The following CCSER1 variants were observed in gnomAD, a reference collection of about 807,000 sequenced individuals.
CCSER1 encodes serine-rich coiled-coil domain-containing protein 1.
Under a neutral mutation model 82.0 loss-of-function variants are expected in CCSER1, and 41 were observed. That is an observed-to-expected ratio of 0.50 (90% confidence interval 0.39 to 0.65). CCSER1 has a LOEUF of 0.65. Ranked by LOEUF, CCSER1 falls within the 30% of genes least tolerant of loss-of-function variation. The probability of loss-of-function intolerance (pLI) is 0.00; values close to 1 mark genes in which losing one functional copy is unlikely to be tolerated. For missense variants in CCSER1, 1,119 were observed against 1,064.2 expected (o/e 1.05, Z -0.72); for synonymous variants, 414 against 383.9 (o/e 1.08, Z -0.92).
chr4:91,166,524 T>C lies in CCSER1; in HGVS notation c.2217+80530T>C, dbSNP rs1283151909. On this transcript the variant is annotated intron_variant, in intron 10 of 10. Transcript: ENST00000509176. ...ATAATGACACCGTCTAAGCATCTAC[T>C]TTTTAAAATGTTGTTTAAGATGAGG... Among the ~76,000 whole-genome samples the C allele has an allele frequency of 2.0e-5, 3 of 152,234 alleles. No individual in the cohort carries two copies. The East Asian group carries it at 5.8e-4, about 29-fold the overall frequency.
intron 9 of CCSER1, among the ~76,000 whole-genome samples, chr4:91,084,838 A>G (rs945934581): frequency 2.0e-5 from 3 of 152,102 alleles, no homozygotes; most frequent in Admixed American, 6.6e-5. Flanking sequence ...ATGTATGTTC[A>G]TGTGTTTTTA....
chr4:91,167,249 C>T (rs144785841), intron 10 of CCSER1, among the ~76,000 whole-genome samples: 1,759 of 145,000 alleles, frequency 0.012, 32 homozygotes, highest in African/African-American at 0.042. Flanking sequence ...TGCATTGGCG[C>T]GATCTCGGCT....
chr4:91,161,116 C>T (rs1731348206), intron 10 of CCSER1, among the ~76,000 whole-genome samples: 1 of 152,178 alleles, frequency 6.6e-6, no homozygotes. Flanking sequence ...CAGCTTTCCA[C>T]ATATGGCTAA....
chr4:91,383,789 G>C (rs1004936678), intron 10 of CCSER1, among the ~76,000 whole-genome samples: 1 of 152,114 alleles, frequency 6.6e-6, no homozygotes, highest in East Asian at 1.9e-4. Flanking sequence ...AATATAGCCT[G>C]AATATTTATT....
chr4:90,917,117 G>A (rs1347705671), intron 8 of CCSER1, among the ~76,000 whole-genome samples: 1 of 152,090 alleles, frequency 6.6e-6, no homozygotes, highest in African/African-American at 2.4e-5. Flanking sequence ...CAATTCCTCA[G>A]GGATCTAGAA....
At chr4:91,035,440 T>C (rs902306507) in intron 9 of CCSER1, among the ~76,000 whole-genome samples, 2 of 152,152 alleles carry the variant, frequency 1.3e-5, no homozygotes, top group Non-Finnish European at 2.9e-5. Context: ...CACAGTGTAG[T>C]TGAATATTTT....
chr4:91,441,678 A>G (rs1167002064), intron 10 of CCSER1, among the ~76,000 whole-genome samples: 2 of 152,172 alleles, frequency 1.3e-5, no homozygotes, highest in East Asian at 3.8e-4. Flanking sequence ...AGGAAGTCAA[A>G]TTGTCCCTGT....
chr4:91,275,711 G>A (rs979224623), intron 10 of CCSER1, among the ~76,000 whole-genome samples: 1 of 152,006 alleles, frequency 6.6e-6, no homozygotes, highest in Admixed American at 6.6e-5. Flanking sequence ...TGTTTTTGAG[G>A]TCTTAGCCAT....
intron 8 of CCSER1, among the ~76,000 whole-genome samples, chr4:90,820,145 A>G (rs905512413): frequency 6.6e-6 from 1 of 152,154 alleles, no homozygotes; most frequent in Non-Finnish European, 1.5e-5. Context: ...GTGAGTCAAT[A>G]TGGTGATATG....
At position 91,313,310 on chromosome 4, in the gene CCSER1, T is replaced by C. The variant is rs371430410; in HGVS notation, c.2217+227316T>C. ...TAAGATTTTTGATGTGTTAAATACT[T>C]TTGTCTTTTTGAAAGGCTTTTCACC... On this transcript the variant is annotated intron_variant, in intron 10 of 10. Transcript: ENST00000509176. 7.6e-4 allele frequency among the ~76,000 whole-genome samples: 115 copies of C among 152,028 alleles called. 1 individual carries two copies. The South Asian group carries it at 7.9e-3, about 10-fold the overall frequency.
chr4:90,923,766 T>C (rs1056129334), intron 9 of CCSER1, among the ~76,000 whole-genome samples: 1 of 152,254 alleles, frequency 6.6e-6, no homozygotes, highest in Non-Finnish European at 1.5e-5. Flanking sequence ...AGAAAATATT[T>C]ATTTATTAAC....
At chr4:91,454,340 T>A (rs1756029641) in intron 10 of CCSER1, among the ~76,000 whole-genome samples, 1 of 152,058 alleles carries the variant, frequency 6.6e-6, no homozygotes, top group African/African-American at 2.4e-5. Context: ...CATTTTGTGC[T>A]CGTGACCCCT....
At chr4:91,594,408 T>C (rs938648935) in intron 10 of CCSER1, among the ~76,000 whole-genome samples, 1 of 119,986 alleles carries the variant, frequency 8.3e-6, no homozygotes, top group African/African-American at 2.9e-5. Flanking sequence ...TACACATATA[T>C]ACACATATAT....
At chr4:90,586,970 T>A (rs1782091403) in intron 5 of CCSER1, among the ~76,000 whole-genome samples, 2 of 152,210 alleles carry the variant, frequency 1.3e-5, no homozygotes, top group South Asian at 4.1e-4. Flanking sequence ...TATCCCGGAT[T>A]ACCTTCGTGG....
intron 8 of CCSER1, among the ~76,000 whole-genome samples, chr4:90,837,281 T>C (rs558430859): frequency 3.3e-5 from 5 of 152,276 alleles, no homozygotes; most frequent in African/African-American, 9.6e-5. Flanking sequence ...AAACAAAATA[T>C]ATGGGCACTA....
chr4:91,018,935 G>A (rs947841197), intron 9 of CCSER1, among the ~76,000 whole-genome samples: 1 of 151,886 alleles, frequency 6.6e-6, no homozygotes, highest in South Asian at 2.1e-4. Flanking sequence ...AAATATTATT[G>A]TGATAATGTC....
chr4:90,279,918 G>A (rs572909323), intron 1 of CCSER1, among the ~76,000 whole-genome samples: 1 of 152,042 alleles, frequency 6.6e-6, no homozygotes, highest in South Asian at 2.1e-4. Context: ...CATACTGGGG[G>A]ACTAATCTTT....
intron 10 of CCSER1, among the ~76,000 whole-genome samples, chr4:91,402,946 C>T (rs952043735): frequency 6.6e-6 from 1 of 152,154 alleles, no homozygotes; most frequent in African/African-American, 2.4e-5. Context: ...TCATTGGTAG[C>T]TTGATGCGGA....
At position 90,165,836 on chromosome 4, in the gene CCSER1, G is replaced by T. The variant is rs148928614; in HGVS notation, c.-42+38005G>T. Among the ~76,000 whole-genome samples the T allele has an allele frequency of 3.0e-4, 46 of 152,070 alleles. 1 individual carries two copies. In the East Asian group the frequency reaches 8.3e-3, roughly 28 times the overall value. On this transcript the variant is annotated intron_variant, in intron 1 of 10. Transcript: ENST00000509176. ...TGAGGCAAGCTGTGTTTAAAAAGCA[G>T]AAATGTAATATGGAAGGTGAGATGA...
Sources: allele counts gnomAD v4.1 joint callset (sites outside exome capture counted in the v4.1 genomes callset), GRCh38; gene constraint gnomAD v4.1.1; transcripts MANE v1.5; gene names NCBI Gene and HGNC (gene_info 2026-07-23, HGNC 2026-07-21).